KAT6A: variants seen among roughly 807,000 people sequenced by gnomAD.
KAT6A encodes histone acetyltransferase KAT6A.
Under a neutral mutation model 198.4 loss-of-function variants are expected in KAT6A, and 9 were observed. That is an observed-to-expected ratio of 0.05 (90% confidence interval 0.03 to 0.08). The LOEUF is 0.08. KAT6A is among the 10% of genes least tolerant of loss of function. The pLI, the probability that KAT6A is intolerant of heterozygous loss-of-function variation, is 1.00. For synonymous variants in KAT6A, 890 were observed against 883.0 expected, an observed-to-expected ratio of 1.01 and a Z score of -0.14; for missense variants, 2,077 against 2,509.9, an observed-to-expected ratio of 0.83 and a Z score of 3.69.
rs140618850 is a variant in KAT6A at position 41,994,193 on chromosome 8, T to C, written c.601-6630A>G. Among the ~76,000 whole-genome samples, 360 of 152,290 alleles carry C rather than the reference T, an allele frequency of 2.4e-3. 2 individuals are homozygous for C. Among genetic ancestry groups the C allele is most frequent in the African/African-American group, 8.3e-3 (345 of 41,548 alleles). ...ACAACTAATAAAAGAAAAAAGGTTG[T>C]AGCAAATGACTTTACACACCATTAA... is the stretch of plus-strand genomic sequence containing the variant. On this transcript the variant is annotated intron_variant, in intron 2 of 16. Coordinates refer to ENST00000265713, the MANE Select transcript of KAT6A (RefSeq NM_006766.5).
rs1016598468 is a variant in KAT6A, at chr8:42,049,184, G to C, written c.-207C>G. ...ACCAAAACAACCTGTTGATTGAAAT[G>C]TCTTCCAACTTCCCAATGAATTTCT... On this transcript the variant is annotated 5_prime_UTR_variant, in exon 2 of 17. Coordinates refer to ENST00000265713, the MANE Select transcript of KAT6A (RefSeq NM_006766.5). 4 of 522,756 alleles carry C rather than the reference G, an allele frequency of 7.7e-6. No individual in the cohort carries two copies. Among genetic ancestry groups the C allele is most frequent in the African/African-American group, 7.6e-5 (4 of 52,366 alleles). 32.4% of individuals were successfully genotyped at this position (522,756 alleles called of 1,614,324 possible). A position where few individuals can be genotyped will look rare whatever the true frequency, so the allele number is the denominator to read the frequency against.
At chr8:41,954,623 A>T (rs1207092357) in intron 9 of KAT6A, among the ~76,000 whole-genome samples, 1 of 152,216 alleles carries the variant, frequency 6.6e-6, no homozygotes, top group Non-Finnish European at 1.5e-5. Flanking sequence ...TAAGTGATTT[A>T]CATGTTGTAG....
At chr8:41,963,872 C>T (rs774517648) in intron 8 of KAT6A, among the ~76,000 whole-genome samples, 2 of 152,086 alleles carry the variant, frequency 1.3e-5, no homozygotes, top group Non-Finnish European at 2.9e-5. Flanking sequence ...GAACTCCAAC[C>T]AACTGCACAC....
chr8:42,018,952 A>C (rs1467485685), intron 2 of KAT6A, among the ~76,000 whole-genome samples: 1 of 152,150 alleles, frequency 6.6e-6, no homozygotes. Context: ...AACAAACAAA[A>C]AAACCATGTA....
At chr8:42,004,649 G>A (rs1201665967) in intron 2 of KAT6A, among the ~76,000 whole-genome samples, 1 of 152,110 alleles carries the variant, frequency 6.6e-6, no homozygotes, top group Non-Finnish European at 1.5e-5. Flanking sequence ...ACTTCGGCCG[G>A]GTGCGGTGAC....
At chr8:41,947,949 G>T (rs182059028) in intron 10 of KAT6A, 37 bp from the exon 11 acceptor site, 100 of 1,492,088 alleles carry the variant, frequency 6.7e-5, no homozygotes, top group Non-Finnish European at 8.7e-5. Context: ...TCAGTAGAGG[G>T]TCTCTTTAGT....
intron 2 of KAT6A, among the ~76,000 whole-genome samples, chr8:42,028,331 T>C (rs1465814304): frequency 1.3e-5 from 2 of 152,190 alleles, no homozygotes; most frequent in Non-Finnish European, 2.9e-5. Flanking sequence ...GCGTGAAGTG[T>C]TGAAGTCCCC....
intron 8 of KAT6A, among the ~76,000 whole-genome samples, chr8:41,963,404 T>C (rs1233533743): frequency 6.6e-6 from 1 of 152,152 alleles, no homozygotes. Flanking sequence ...TTTCCTATAT[T>C]CCTACATGTA....
At chr8:42,017,686 C>T (rs1826341555) in intron 2 of KAT6A, among the ~76,000 whole-genome samples, 1 of 152,036 alleles carries the variant, frequency 6.6e-6, no homozygotes, top group Admixed American at 6.6e-5. Context: ...GATGAAGTTG[C>T]AATAAAGGCA....
At chr8:42,045,846 G>A (rs1235701347) in intron 2 of KAT6A, among the ~76,000 whole-genome samples, 2 of 149,764 alleles carry the variant, frequency 1.3e-5, no homozygotes, top group African/African-American at 2.4e-5. Flanking sequence ...GTAGCCACAC[G>A]TGGTGGCGCA....
At chr8:41,987,366 T>C in intron 3 of KAT6A, 89 bp downstream of exon 3, 2 of 758,598 alleles carry the variant, frequency 2.6e-6, no homozygotes, top group Non-Finnish European at 4.7e-6. Context: ...ATTAATCTCA[T>C]AAGGATCAAG....
Position 41,931,424 on chromosome 8 carries a change from A to T in KAT6A, c.*781T>A, listed in dbSNP as rs1291699646. On this transcript the variant is annotated 3_prime_UTR_variant, in exon 17 of 17. Transcript: ENST00000265713. ...GAGATTCTGCTGTTAATTGAGACTTACAGTATTTTTGTGTCTCTGAGTGCT... is the reference window on the plus strand; with the variant it reads ...GAGATTCTGCTGTTAATTGAGACTTTCAGTATTTTTGTGTCTCTGAGTGCT... The T allele has an allele frequency of 4.8e-6, 1 of 207,800 alleles. No individual in the cohort carries two copies. Among genetic ancestry groups the T allele is most frequent in the Non-Finnish European group, 9.8e-6 (1 of 101,820 alleles). 12.9% of individuals were successfully genotyped at this position (207,800 alleles called of 1,614,324 possible). A position where few individuals can be genotyped will look rare whatever the true frequency, so the allele number is the denominator to read the frequency against.
At chr8:42,020,081 T>C (rs1826457326) in intron 2 of KAT6A, among the ~76,000 whole-genome samples, 1 of 152,200 alleles carries the variant, frequency 6.6e-6, no homozygotes, top group African/African-American at 2.4e-5. Context: ...ATCATTCCTT[T>C]AAACTATTTT....
chr8:41,973,852 A>G (rs528848396), intron 8 of KAT6A, among the ~76,000 whole-genome samples: 34 of 152,196 alleles, frequency 2.2e-4, no homozygotes, highest in African/African-American at 7.2e-4. Flanking sequence ...AGGCCCCTCA[A>G]TGAATCCTCC....
chr8:42,030,976 GA>G (rs1278339148), intron 2 of KAT6A, among the ~76,000 whole-genome samples: 3 of 107,330 alleles, frequency 2.8e-5, no homozygotes, highest in Non-Finnish European at 3.5e-5. Flanking sequence ...TAAGTGGTGA[GA>G]AAAAAAAAGT....
chr8:42,017,596 T>C (rs1307741453), intron 2 of KAT6A, among the ~76,000 whole-genome samples: 1 of 152,112 alleles, frequency 6.6e-6, no homozygotes, highest in East Asian at 1.9e-4. Context: ...AATATATGTA[T>C]AAAAATGTTA....
chr8:42,011,295 T>C (rs920578201), intron 2 of KAT6A, among the ~76,000 whole-genome samples: 1 of 152,216 alleles, frequency 6.6e-6, no homozygotes, highest in African/African-American at 2.4e-5. Flanking sequence ...TGACACATTT[T>C]GCAGTCTAGA....
At chr8:42,040,273 G>T (rs1416966031) in intron 2 of KAT6A, among the ~76,000 whole-genome samples, 2 of 151,990 alleles carry the variant, frequency 1.3e-5, no homozygotes, top group Non-Finnish European at 2.9e-5. Flanking sequence ...ACAGAGCAAA[G>T]AAAAAACGAG....
intron 9 of KAT6A, 133 bp from the exon 10 acceptor site, chr8:41,949,496 T>C: frequency 4.1e-6 from 2 of 484,366 alleles, no homozygotes; most frequent in Non-Finnish European, 6.8e-6. Context: ...TATGCAAAAA[T>C]ACTGGACGGT....
Sources: allele counts gnomAD v4.1 joint callset (sites outside exome capture counted in the v4.1 genomes callset), GRCh38; gene constraint gnomAD v4.1.1; transcripts MANE v1.5; gene names NCBI Gene and HGNC (gene_info 2026-07-23, HGNC 2026-07-21).